IL1RAPL2: variants seen among roughly 807,000 people sequenced by gnomAD.
The protein encoded by IL1RAPL2 is interleukin 1 receptor accessory protein like 2, also known as X-linked interleukin-1 receptor accessory protein-like 2.
In IL1RAPL2, 3 loss-of-function variants were observed where a neutral mutation model predicts 44.1. The observed-to-expected ratio is 0.07, with a 90% confidence interval of 0.03 to 0.18. The LOEUF is 0.18. Among genes scored for constraint, IL1RAPL2 ranks in the 10% least tolerant of loss-of-function variants. The pLI, the probability that IL1RAPL2 is intolerant of heterozygous loss-of-function variation, is 1.00. For synonymous variants in IL1RAPL2, 181 were observed against 178.8 expected (o/e 1.01, Z -0.10); for missense variants, 391 against 496.4 (o/e 0.79, Z 2.02).
chrX:105,539,367 A>G (rs1191155476), intron 6 of IL1RAPL2, among the ~76,000 whole-genome samples: 1 of 111,255 alleles, frequency 9.0e-6, no homozygotes, highest in Non-Finnish European at 1.9e-5. Context: ...AGAACCCAGA[A>G]AATCATACTG....
chrX:105,001,936 G>A (rs1327230192), intron 2 of IL1RAPL2, among the ~76,000 whole-genome samples: 1 of 111,208 alleles, frequency 9.0e-6, no homozygotes, highest in Non-Finnish European at 1.9e-5. Context: ...TACTTCTGAA[G>A]TGAACAGAAA....
intron 6 of IL1RAPL2, among the ~76,000 whole-genome samples, chrX:105,503,476 C>T (rs2147783126): frequency 9.0e-6 from 1 of 111,470 alleles, no homozygotes; most frequent in Admixed American, 9.6e-5. Context: ...AAGAAGGAAG[C>T]TGGCTTTCTT....
At position 105,085,617 on chromosome X, in the gene IL1RAPL2, T is replaced by C. The variant is rs1269865653; in HGVS notation, c.83-109858T>C. 5.4e-5 allele frequency among the ~76,000 whole-genome samples: 6 copies of C among 111,883 alleles called. No individual in the cohort carries two copies. The Admixed American group carries it at 5.7e-4, about 11-fold the overall frequency. On this transcript the variant is annotated intron_variant, in intron 2 of 10. Coordinates refer to ENST00000372582, the MANE Select transcript of IL1RAPL2 (RefSeq NM_017416.2). Reference sequence around the variant, plus strand: ...CATTATGGAAACTTATATGAAAGTTTCTGAAAAAACTAAAACTAGAACTTC... The same window carrying C: ...CATTATGGAAACTTATATGAAAGTTCCTGAAAAAACTAAAACTAGAACTTC...
chrX:104,668,545 A>T (rs1245317446), intron 2 of IL1RAPL2, among the ~76,000 whole-genome samples: 1 of 94,781 alleles, frequency 1.1e-5, no homozygotes, highest in African/African-American at 4.0e-5. Flanking sequence ...TACATTTGCT[A>T]TAATAGGAAG....
chrX:104,912,182 G>C (rs1003825953), intron 2 of IL1RAPL2, among the ~76,000 whole-genome samples: 2 of 106,097 alleles, frequency 1.9e-5, no homozygotes, highest in Non-Finnish European at 3.9e-5. Flanking sequence ...GTTTTGTTTT[G>C]TTTTGTTTTG....
At chrX:105,408,922 C>T (rs1184595157) in intron 5 of IL1RAPL2, among the ~76,000 whole-genome samples, 1 of 109,742 alleles carries the variant, frequency 9.1e-6, no homozygotes, top group Non-Finnish European at 1.9e-5. Context: ...TATACCTCTA[C>T]CAGTTACTTG....
intron 6 of IL1RAPL2, among the ~76,000 whole-genome samples, chrX:105,642,051 C>T (rs956791684): frequency 1.8e-5 from 2 of 110,879 alleles, no homozygotes; most frequent in African/African-American, 6.6e-5. Flanking sequence ...GCCTAGGGAT[C>T]CCTACTGACG....
chrX:105,680,334 T>TAA (rs1413838310), intron 6 of IL1RAPL2, among the ~76,000 whole-genome samples: 2 of 112,120 alleles, frequency 1.8e-5, no homozygotes, highest in Non-Finnish European at 3.8e-5. Flanking sequence ...CAAAACGTCC[T>TAA]AAAGTCCCTG....
chrX:104,732,198 A>T (rs1350449819), intron 2 of IL1RAPL2, among the ~76,000 whole-genome samples: 1 of 111,677 alleles, frequency 9.0e-6, no homozygotes, highest in Non-Finnish European at 1.9e-5. Context: ...AGAGAAGGAG[A>T]ACTAACAGAA....
chrX:105,354,684 A>G (rs1336276183), intron 5 of IL1RAPL2, among the ~76,000 whole-genome samples: 2 of 111,361 alleles, frequency 1.8e-5, no homozygotes, highest in Admixed American at 9.5e-5. Context: ...CTAAACAGTC[A>G]TGATCATTTT....
At chrX:105,732,449 G>A (rs1487681342) in intron 7 of IL1RAPL2, among the ~76,000 whole-genome samples, 2 of 109,837 alleles carry the variant, frequency 1.8e-5, no homozygotes, top group Admixed American at 9.8e-5. Context: ...TTTAAAGTGT[G>A]TAGTGTGCAC....
At chrX:105,259,500 A>G (rs1420132756) in intron 4 of IL1RAPL2, among the ~76,000 whole-genome samples, 2 of 111,283 alleles carry the variant, frequency 1.8e-5, no homozygotes, top group Admixed American at 9.6e-5. Flanking sequence ...GCCAAGGATC[A>G]TTTGCTTGTC....
At chrX:105,356,304 A>AT (rs2035202511) in intron 5 of IL1RAPL2, among the ~76,000 whole-genome samples, 2 of 109,664 alleles carry the variant, frequency 1.8e-5, no homozygotes, top group African/African-American at 3.3e-5. Context: ...TTAATGGGAG[A>AT]TTTTTTCAAT....
chrX:104,677,438 G>A (rs1353619183), intron 2 of IL1RAPL2, among the ~76,000 whole-genome samples: 1 of 111,282 alleles, frequency 9.0e-6, no homozygotes, highest in Non-Finnish European at 1.9e-5. Context: ...CCCACTTGAG[G>A]AGGCAGTCTG....
At chrX:105,536,510 G>A (rs5962542) in intron 6 of IL1RAPL2, among the ~76,000 whole-genome samples, 55,697 of 107,983 alleles carry the variant, frequency 0.52, 11,402 homozygotes, top group African/African-American at 0.73. Flanking sequence ...CTTCACCTTC[G>A]TAGCTTGAAA....
intron 2 of IL1RAPL2, among the ~76,000 whole-genome samples, chrX:105,181,318 C>T (rs1160050508): frequency 8.9e-6 from 1 of 111,790 alleles, no homozygotes; most frequent in Admixed American, 9.5e-5. Flanking sequence ...TTCTATTTCA[C>T]TTAGTTCTGT....
chrX:105,014,963 C>G (rs909103312), intron 2 of IL1RAPL2, among the ~76,000 whole-genome samples: 2 of 111,938 alleles, frequency 1.8e-5, no homozygotes, highest in African/African-American at 6.5e-5. Context: ...TCTCCACATC[C>G]TCTCTAGCAT....
At chrX:104,984,223 A>G (rs1056721866) in intron 2 of IL1RAPL2, among the ~76,000 whole-genome samples, 1 of 112,131 alleles carries the variant, frequency 8.9e-6, no homozygotes, top group Non-Finnish European at 1.9e-5. Flanking sequence ...CCTCTTCCAG[A>G]ATAATGTATG....
intron 2 of IL1RAPL2, among the ~76,000 whole-genome samples, chrX:104,922,165 C>A (rs1192268715): frequency 8.9e-6 from 1 of 112,092 alleles, no homozygotes; most frequent in Non-Finnish European, 1.9e-5. Context: ...CCCCTGGGAG[C>A]CCCATACCCT....
Sources: gnomAD v4.1 joint callset for allele counts (sites outside exome capture counted in the v4.1 genomes callset) on GRCh38, gnomAD v4.1.1 for gene constraint, MANE v1.5 for transcripts, NCBI Gene and HGNC (gene_info 2026-07-23, HGNC 2026-07-21) for gene names.